The following SLC44A5 variants were observed in gnomAD, a reference collection of about 807,000 sequenced individuals.
The protein encoded by SLC44A5 is choline transporter-like protein 5.
In SLC44A5, 57 loss-of-function variants were observed where a neutral mutation model predicts 101.8. That is an observed-to-expected ratio of 0.56 (90% confidence interval 0.45 to 0.70). The LOEUF is 0.70. Ranked by LOEUF, SLC44A5 falls within the 30% of genes least tolerant of loss-of-function variation. The pLI is 0.00. For synonymous variants in SLC44A5, 281 were observed against 290.9 expected (o/e 0.97, Z 0.35); for missense variants, 737 against 853.1 (o/e 0.86, Z 1.70).
In SLC44A5 at chr1:75,508,907, T is replaced by C. The variant is rs1462252632; in HGVS notation, c.13+32528A>G. ...TTTGACCTATGCCACACCTTTGAGA[T>C]GTTGACCCACAGTGGGTTTTTCTAG... On this transcript the variant is annotated intron_variant, in intron 2 of 23. Transcript: ENST00000370859. 4.6e-5 allele frequency among the ~76,000 whole-genome samples: 7 copies of C among 152,188 alleles called. No individual in the cohort carries two copies. In the East Asian group the frequency reaches 9.6e-4, roughly 21 times the overall value.
intron 4 of SLC44A5, among the ~76,000 whole-genome samples, chr1:75,306,009 C>T (rs888738169): frequency 2.0e-5 from 3 of 152,128 alleles, no homozygotes; most frequent in Admixed American, 1.3e-4. Context: ...AGCCTGTGAG[C>T]TAAGAATAGT....
intron 5 of SLC44A5, among the ~76,000 whole-genome samples, chr1:75,280,677 G>C (rs927053552): frequency 1.3e-5 from 2 of 150,720 alleles, no homozygotes; most frequent in African/African-American, 2.4e-5. Flanking sequence ...TAGATCATGA[G>C]GGTGGTTCTA....
chr1:75,717,533 A>G, the SLC44A5 span, among the ~76,000 whole-genome samples: 4 of 152,134 alleles, frequency 2.6e-5, no homozygotes, highest in Admixed American at 2.0e-4. Context: ...TGGGTGACAA[A>G]ATAATCTGTG....
chr1:75,714,748 C>G, the SLC44A5 span, among the ~76,000 whole-genome samples: 4 of 151,536 alleles, frequency 2.6e-5, no homozygotes, highest in South Asian at 8.3e-4. Flanking sequence ...GCGATCTCAG[C>G]TCACTGCAAC....
At chr1:75,620,299 G>T in the SLC44A5 span, among the ~76,000 whole-genome samples, 2 of 152,082 alleles carry the variant, frequency 1.3e-5, no homozygotes, top group East Asian at 3.9e-4. Context: ...ACATACATGT[G>T]CATGTGTCTT....
At chr1:75,310,850 G>A (rs1230618212) in intron 4 of SLC44A5, among the ~76,000 whole-genome samples, 1 of 151,994 alleles carries the variant, frequency 6.6e-6, no homozygotes, top group Admixed American at 6.6e-5. Flanking sequence ...AAAATAGCAA[G>A]TAGTTAGATT....
intron 12 of SLC44A5, among the ~76,000 whole-genome samples, chr1:75,230,212 T>C (rs1244161873): frequency 2.0e-5 from 3 of 152,046 alleles, no homozygotes; most frequent in Non-Finnish European, 2.9e-5. Flanking sequence ...TGCCCAAGCC[T>C]TTAATAAATG....
intron 2 of SLC44A5, among the ~76,000 whole-genome samples, chr1:75,473,497 G>A (rs569736026): frequency 6.6e-6 from 1 of 152,142 alleles, no homozygotes; most frequent in East Asian, 1.9e-4. Flanking sequence ...AGGCGATGGG[G>A]TTTTGTTTGT....
chr1:75,480,021 G>A (rs984901061), intron 2 of SLC44A5, among the ~76,000 whole-genome samples: 2 of 152,126 alleles, frequency 1.3e-5, no homozygotes, highest in Admixed American at 6.6e-5. Flanking sequence ...CTGGCAAACC[G>A]AATCTGGCAG....
intron 2 of SLC44A5, among the ~76,000 whole-genome samples, chr1:75,415,814 A>T (rs950936166): frequency 6.6e-6 from 1 of 152,170 alleles, no homozygotes; most frequent in African/African-American, 2.4e-5. Flanking sequence ...GACTGGTGGC[A>T]TTTTGTCCCT....
At chr1:75,339,250 T>C (rs1220684676) in intron 4 of SLC44A5, among the ~76,000 whole-genome samples, 3 of 149,474 alleles carry the variant, frequency 2.0e-5, no homozygotes, top group African/African-American at 7.7e-5. Flanking sequence ...AACAGGTGCA[T>C]AAAACAACTA....
At chr1:75,496,601 C>T (rs182403209) in intron 2 of SLC44A5, among the ~76,000 whole-genome samples, 1 of 138,792 alleles carries the variant, frequency 7.2e-6, no homozygotes, top group Non-Finnish European at 1.5e-5. Flanking sequence ...AGGAAACAGA[C>T]AACAACAACA....
In SLC44A5 at chr1:75,398,165, G is replaced by A. The variant is rs17096816; in HGVS notation, c.14-1544C>T. On this transcript the variant is annotated intron_variant, in intron 2 of 23. Coordinates refer to ENST00000370859, the MANE Select transcript of SLC44A5 (RefSeq NM_001130058.2). ...TGACTGAGTTTGCCTTTAATGTTCC[G>A]AATACATTTTTAAAAAACAACAAAA... Among the ~76,000 whole-genome samples, 827 of 152,142 alleles carry A rather than the reference G, an allele frequency of 5.4e-3. 7 individuals are homozygous for A. Among genetic ancestry groups the A allele is most frequent in the African/African-American group, 0.019 (794 of 41,510 alleles).
At chr1:75,540,940 T>A (rs1219189846) in intron 2 of SLC44A5, among the ~76,000 whole-genome samples, 2 of 152,108 alleles carry the variant, frequency 1.3e-5, no homozygotes, top group Non-Finnish European at 2.9e-5. Context: ...AGCCTCACAC[T>A]CCCTCTCCAA....
chr1:75,708,223 C>T, the SLC44A5 span, among the ~76,000 whole-genome samples: 4 of 96,912 alleles, frequency 4.1e-5, no homozygotes, highest in Non-Finnish European at 6.8e-5. Flanking sequence ...ACCAGCCTGG[C>T]AACATGGGGA....
chr1:75,694,527 T>C, the SLC44A5 span, among the ~76,000 whole-genome samples: 1 of 152,164 alleles, frequency 6.6e-6, no homozygotes, highest in Admixed American at 6.5e-5. Flanking sequence ...ATGGTAACTC[T>C]TGAGCAAGAA....
chr1:75,693,502 T>C, the SLC44A5 span, among the ~76,000 whole-genome samples: 1 of 152,188 alleles, frequency 6.6e-6, no homozygotes. Context: ...AGATAGCTCA[T>C]ATACATTTGC....
intron 2 of SLC44A5, among the ~76,000 whole-genome samples, chr1:75,455,611 T>A (rs1216336297): frequency 1.3e-5 from 2 of 152,006 alleles, no homozygotes; most frequent in Non-Finnish European, 2.9e-5. Context: ...ATTTGCAAAC[T>A]ACACATCCAA....
At chr1:75,551,816 C>A (rs1288498302) in intron 1 of SLC44A5, among the ~76,000 whole-genome samples, 2 of 152,010 alleles carry the variant, frequency 1.3e-5, no homozygotes, top group Non-Finnish European at 2.9e-5. Context: ...AAGTGCCTGG[C>A]ACATGTTAGA....
Sources: allele counts gnomAD v4.1 joint callset (sites outside exome capture counted in the v4.1 genomes callset), GRCh38; gene constraint gnomAD v4.1.1; transcripts MANE v1.5; gene names NCBI Gene and HGNC (gene_info 2026-07-23, HGNC 2026-07-21).